Variants in FAIM2 observed in about 807,000 individuals in gnomAD.
The protein encoded by FAIM2 is Fas apoptotic inhibitory molecule 2.
Under a neutral mutation model 47.4 loss-of-function variants are expected in FAIM2, and 27 were observed. That is an observed-to-expected ratio of 0.57 (90% CI 0.42 to 0.78). The LOEUF is 0.78. FAIM2 is among the 30% of genes least tolerant of loss of function. FAIM2 has a pLI of 0.00. For synonymous variants in FAIM2, 156 were observed against 159.3 expected, an observed-to-expected ratio of 0.98 and a Z score of 0.16; for missense variants, 311 against 389.4, an observed-to-expected ratio of 0.80 and a Z score of 1.69.
chr12:49,881,556 G>A lies in FAIM2; in HGVS notation c.801+5830C>T, dbSNP rs1380596034. On this transcript the variant is annotated intron_variant, in intron 11 of 11. Transcript: ENST00000320634. ...AGCTGCGGCTAGAAGCCAGCTGCAGGCATGTGCCCCCACCTCATTCCCTGC... is the reference window on the plus strand; with the variant it reads ...AGCTGCGGCTAGAAGCCAGCTGCAGACATGTGCCCCCACCTCATTCCCTGC... Among the ~76,000 whole-genome samples the A allele has an allele frequency of 3.3e-5, 5 of 152,066 alleles. No homozygotes were observed. The East Asian group carries it at 5.8e-4, about 18-fold the overall frequency.
At chr12:49,872,920 G>A (rs1188992375) in intron 11 of FAIM2, among the ~76,000 whole-genome samples, 1 of 152,218 alleles carries the variant, frequency 6.6e-6, no homozygotes, top group African/African-American at 2.4e-5. Flanking sequence ...CTTAATGAAT[G>A]CTTGCTATTA....
At chr12:49,902,634 C>A (rs1441948599) in intron 1 of FAIM2, among the ~76,000 whole-genome samples, 2 of 152,052 alleles carry the variant, frequency 1.3e-5, no homozygotes, top group East Asian at 1.9e-4. Flanking sequence ...GGAGACTCAG[C>A]AGAAGGGGTG....
At chr12:49,878,196 ATG>A (rs1254025643) in intron 11 of FAIM2, among the ~76,000 whole-genome samples, 1 of 121,238 alleles carries the variant, frequency 8.2e-6, no homozygotes, top group African/African-American at 3.2e-5. Flanking sequence ...GTGTGTGCAT[ATG>A]TGTATGTATG....
intron 8 of FAIM2, 64 bp downstream of exon 8, chr12:49,890,053 G>A: frequency 1.3e-6 from 2 of 1,528,800 alleles, no homozygotes; most frequent in South Asian, 1.1e-5. Flanking sequence ...CCCCTCGGGT[G>A]TGGCTGGTGC....
chr12:49,878,806 GCATGTGAA>G (rs2137084620), intron 11 of FAIM2, among the ~76,000 whole-genome samples: 1 of 87,782 alleles, frequency 1.1e-5, no homozygotes, highest in African/African-American at 6.5e-5. Context: ...GTATATGTGT[GCATGTGAA>G]TGTGTGTATA....
At chr12:49,894,797 G>A (rs1241641822) in intron 5 of FAIM2, among the ~76,000 whole-genome samples, 2 of 152,196 alleles carry the variant, frequency 1.3e-5, no homozygotes, top group African/African-American at 4.8e-5. Context: ...TTCCTCAACT[G>A]TTAAATGAGG....
intron 11 of FAIM2, among the ~76,000 whole-genome samples, chr12:49,879,947 T>C (rs888052978): frequency 7.4e-6 from 1 of 134,578 alleles, no homozygotes; most frequent in African/African-American, 2.9e-5. Flanking sequence ...CTTGTATATA[T>C]GTGCGCTTGT....
At chr12:49,890,617 A>T in intron 7 of FAIM2, 66 bp downstream of exon 7, 1 of 1,493,658 alleles carries the variant, frequency 6.7e-7, no homozygotes, top group East Asian at 2.3e-5. Context: ...TCCTCAATCC[A>T]CCCTGCTTCC....
At chr12:49,872,174 G>C (rs146331880) in intron 11 of FAIM2, among the ~76,000 whole-genome samples, 15 of 152,178 alleles carry the variant, frequency 9.9e-5, no homozygotes. Flanking sequence ...AGCTCGCAGC[G>C]TCATGGGGGA....
intron 9 of FAIM2, 64 bp from the exon 10 acceptor site, chr12:49,889,266 G>T: frequency 7.8e-7 from 1 of 1,274,974 alleles, no homozygotes; most frequent in Non-Finnish European, 1.1e-6. Context: ...CCAACTACAG[G>T]CTGAGCCCAT....
At chr12:49,882,894 A>AG (rs1946835845) in intron 11 of FAIM2, among the ~76,000 whole-genome samples, 2 of 152,296 alleles carry the variant, frequency 1.3e-5, no homozygotes, top group South Asian at 4.1e-4. Flanking sequence ...ATTCTGCTGG[A>AG]GGGAGACAGA....
At chr12:49,891,523 G>A (rs553952626) in intron 5 of FAIM2, among the ~76,000 whole-genome samples, 1 of 152,274 alleles carries the variant, frequency 6.6e-6, no homozygotes, top group African/African-American at 2.4e-5. Context: ...GGGGAGGTCA[G>A]GCGACTTGTC....
At chr12:49,899,499 G>A (rs968133359) in intron 2 of FAIM2, among the ~76,000 whole-genome samples, 5 of 152,106 alleles carry the variant, frequency 3.3e-5, no homozygotes, top group East Asian at 1.9e-4. Context: ...TTCCTCCCCC[G>A]ATCAGGTTCT....
At chr12:49,882,456 C>G (rs1455237610) in intron 11 of FAIM2, among the ~76,000 whole-genome samples, 1 of 152,172 alleles carries the variant, frequency 6.6e-6, no homozygotes, top group African/African-American at 2.4e-5. Context: ...TCCCAAAGCC[C>G]CTCTCATCAA....
intron 5 of FAIM2, among the ~76,000 whole-genome samples, chr12:49,893,500 T>C (rs1294542643): frequency 6.6e-6 from 1 of 152,212 alleles, no homozygotes; most frequent in Non-Finnish European, 1.5e-5. Context: ...CTTATCAGTT[T>C]TCTATTCCCA....
intron 11 of FAIM2, among the ~76,000 whole-genome samples, chr12:49,880,050 ATATATG>A (rs1946798055): frequency 2.2e-5 from 1 of 45,812 alleles, no homozygotes. Context: ...ATGCATGTGT[ATATATG>A]TATTTATTTG....
chr12:49,879,189 C>T lies in FAIM2; in HGVS notation c.801+8197G>A, dbSNP rs1349392029. On this transcript the variant is annotated intron_variant, in intron 11 of 11. Coordinates refer to ENST00000320634, the MANE Select transcript of FAIM2 (RefSeq NM_012306.4). ...GTGTGTGCATGAGTGCATGTGTATG[C>T]ATGTGTATGTATGTGTATGAGTGTG... 3.5e-5 allele frequency among the ~76,000 whole-genome samples: 4 copies of T among 113,714 alleles called. 1 individual carries two copies. Among genetic ancestry groups the T allele is most frequent in the East Asian group, 6.5e-4 (2 of 3,090 alleles). 74.6% of individuals were successfully genotyped at this position (113,714 alleles called of 152,430 possible). A position where few individuals can be genotyped will look rare whatever the true frequency, so the allele number is the denominator to read the frequency against.
At chr12:49,882,846 A>C (rs745965) in intron 11 of FAIM2, among the ~76,000 whole-genome samples, 37,840 of 152,100 alleles carry the variant, frequency 0.25, 5,222 homozygotes, top group East Asian at 0.41. Context: ...GCAGTGATGA[A>C]CAAGCCAGAC....
intron 5 of FAIM2, among the ~76,000 whole-genome samples, chr12:49,894,576 C>G (rs986886054): frequency 3.3e-5 from 5 of 152,190 alleles, no homozygotes; most frequent in Non-Finnish European, 1.5e-5. Context: ...GCCCCAGCCC[C>G]AGGGCCTGGG....
Sources: gnomAD v4.1 joint callset for allele counts (sites outside exome capture counted in the v4.1 genomes callset) on GRCh38, gnomAD v4.1.1 for gene constraint, MANE v1.5 for transcripts, NCBI Gene and HGNC (gene_info 2026-07-23, HGNC 2026-07-21) for gene names.